Variants in CHEK2 observed in about 807,000 individuals in gnomAD.
The protein encoded by CHEK2 is checkpoint kinase 2, also known as serine/threonine-protein kinase Chk2.
Under a neutral mutation model 69.1 loss-of-function variants are expected in CHEK2, and 71 were observed. The observed-to-expected ratio is 1.03, with a 90% confidence interval of 0.85 to 1.25. The LOEUF is 1.25. Among genes scored for constraint, CHEK2 ranks in the 50% most tolerant of loss-of-function variants. The pLI is 0.00. For missense variants in CHEK2, 664 were observed against 649.6 expected (o/e 1.02, Z -0.24); for synonymous variants, 189 against 226.9 (o/e 0.83, Z 1.50).
intron 6 of CHEK2, 102 bp downstream of exon 6, chr22:28,711,807 C>A: frequency 1.2e-6 from 1 of 833,066 alleles, no homozygotes; most frequent in Admixed American, 1.9e-5. Context: ...TCCATCTAAG[C>A]AGGGGGTTAT....
intron 8 of CHEK2, among the ~76,000 whole-genome samples, chr22:28,700,894 A>G (rs1385285942): frequency 6.6e-6 from 1 of 151,978 alleles, no homozygotes; most frequent in Non-Finnish European, 1.5e-5. Context: ...GGTTCAAGCG[A>G]TTCTCCTGCC....
rs1569157403 is a variant in CHEK2 at position 28,725,013 on chromosome 22, TG to T, written c.555del (p.Asn185LysfsTer9). ...CTTAGTGACAGTGCAATTTCAGAAT[TG>T]TTATTCAAAGGACGGCGTTTTCCTT... ...VGKGKRRPLN[N>X]NSEIALSLSR... On this transcript the variant is annotated frameshift_variant, in exon 4 of 15. Transcript: ENST00000404276. LOFTEE classifies it high-confidence loss of function. 1 of 1,613,946 alleles carries T rather than the reference TG, an allele frequency of 6.2e-7. No homozygotes were observed. Among genetic ancestry groups the T allele is most frequent in the Non-Finnish European group, 8.5e-7 (1 of 1,180,008 alleles).
chr22:28,703,317 T>C (rs2052961183), intron 8 of CHEK2, among the ~76,000 whole-genome samples, 188 bp downstream of exon 8: 1 of 152,146 alleles, frequency 6.6e-6, no homozygotes, highest in Non-Finnish European at 1.5e-5. Context: ...ATACCACCTA[T>C]TTTTGGAAAC....
At chr22:28,700,850 C>T (rs539132340) in intron 8 of CHEK2, among the ~76,000 whole-genome samples, 16 of 152,034 alleles carry the variant, frequency 1.1e-4, no homozygotes, top group East Asian at 3.9e-4. Context: ...AATGCAATGG[C>T]GCAATCTTGG....
chr22:28,713,328 C>T (rs1347534357), intron 5 of CHEK2, among the ~76,000 whole-genome samples: 1 of 151,038 alleles, frequency 6.6e-6, no homozygotes, highest in Admixed American at 6.6e-5. Flanking sequence ...TTCATTGTGA[C>T]TAAAGCTGCT....
At chr22:28,710,621 G>A (rs2053358840) in intron 6 of CHEK2, among the ~76,000 whole-genome samples, 1 of 152,316 alleles carries the variant, frequency 6.6e-6, no homozygotes, top group Middle Eastern at 3.4e-3. Flanking sequence ...GACAAGAGGA[G>A]GCTTCAGGGT....
chr22:28,738,729 C>T (rs1197550288), intron 1 of CHEK2, among the ~76,000 whole-genome samples: 1 of 152,138 alleles, frequency 6.6e-6, no homozygotes, highest in Non-Finnish European at 1.5e-5. Context: ...ATCTTGGGCA[C>T]AGGTTTTTTG....
At chr22:28,715,147 T>C (rs1276049577) in intron 5 of CHEK2, among the ~76,000 whole-genome samples, 2 of 152,310 alleles carry the variant, frequency 1.3e-5, no homozygotes, top group African/African-American at 2.4e-5. Flanking sequence ...CTCTCTGTTG[T>C]AGTTTCTAGA....
At chr22:28,737,401 T>C (rs1036319673) in intron 1 of CHEK2, 1 of 396,756 alleles carries the variant, frequency 2.5e-6, no homozygotes, top group African/African-American at 2.1e-5. Context: ...TTGGGGCCAT[T>C]ATTAAATATA....
intron 1 of CHEK2, among the ~76,000 whole-genome samples, chr22:28,739,758 A>G (rs2054505674): frequency 6.6e-6 from 1 of 152,156 alleles, no homozygotes. Flanking sequence ...GTTTGTATAA[A>G]AGATAGGCAA....
intron 4 of CHEK2, among the ~76,000 whole-genome samples, chr22:28,720,942 G>A (rs2053752684): frequency 6.6e-6 from 1 of 152,182 alleles, no homozygotes; most frequent in Admixed American, 6.5e-5. Flanking sequence ...CCATGGAGAA[G>A]TGGGGAGAGA....
At chr22:28,714,327 G>T (rs761339894) in intron 5 of CHEK2, among the ~76,000 whole-genome samples, 15 of 152,220 alleles carry the variant, frequency 9.9e-5, no homozygotes, top group South Asian at 2.1e-4. Context: ...ATGATATTCA[G>T]CATCTTTTGA....
At chr22:28,734,784 TA>T in intron 1 of CHEK2, 57 bp from the exon 2 acceptor site, 1 of 1,400,408 alleles carries the variant, frequency 7.1e-7, no homozygotes, top group South Asian at 1.2e-5. Flanking sequence ...GACTTAAAAT[TA>T]AAAAGTAAAT....
intron 2 of CHEK2, among the ~76,000 whole-genome samples, chr22:28,729,013 T>A (rs2054102747): frequency 6.6e-6 from 1 of 152,100 alleles, no homozygotes; most frequent in Non-Finnish European, 1.5e-5. Context: ...GGCTTCATTT[T>A]AAATTCTATC....
intron 5 of CHEK2, among the ~76,000 whole-genome samples, chr22:28,713,214 G>C (rs374580464): frequency 1.3e-5 from 2 of 152,174 alleles, no homozygotes; most frequent in Admixed American, 1.3e-4. Context: ...TTCACCTTCC[G>C]ACGGACATTT....
intron 7 of CHEK2, among the ~76,000 whole-genome samples, chr22:28,706,284 A>G (rs1292423185): frequency 6.8e-6 from 1 of 146,328 alleles, no homozygotes; most frequent in Non-Finnish European, 1.5e-5. Flanking sequence ...CTGGCAACAG[A>G]GCAACACTCC....
chr22:28,734,575 G>A lies in CHEK2; in HGVS notation c.147C>T (p.Ser49=). The change falls in exon 2 of 15, where the codon TCC becomes TCT. Residue 49 remains serine (S), a synonymous_variant. Transcript: ENST00000404276. ...CAGAGCTGGAGTGAGAGGACTGGCT[G>A]GAGTTTGGCATCGTGCTGGTAGAGG... is the stretch of plus-strand genomic sequence containing the variant. The part of the protein sequence containing the change: ...SSSSTSTMPN[S]SQSSHSSSGT... 1 of 1,613,988 alleles carries A rather than the reference G, an allele frequency of 6.2e-7. No individual in the cohort carries two copies. The highest frequency in any genetic ancestry group is 8.5e-7 in the Non-Finnish European group (1 of 1,180,016).
chr22:28,705,139 C>T (rs2053067052), intron 7 of CHEK2, among the ~76,000 whole-genome samples: 1 of 146,666 alleles, frequency 6.8e-6, no homozygotes, highest in East Asian at 2.0e-4. Flanking sequence ...AGTGCGGTGG[C>T]GAGATCTCGG....
At chr22:28,723,357 G>A (rs1363083298) in intron 4 of CHEK2, among the ~76,000 whole-genome samples, 7 of 152,164 alleles carry the variant, frequency 4.6e-5, no homozygotes, top group Non-Finnish European at 7.4e-5. Context: ...CCAGCACTTT[G>A]GGAGGCCGAG....
Sources: allele counts gnomAD v4.1 joint callset (sites outside exome capture counted in the v4.1 genomes callset), GRCh38; gene constraint gnomAD v4.1.1; transcripts MANE v1.5; gene names NCBI Gene and HGNC (gene_info 2026-07-23, HGNC 2026-07-21).